The following SLAIN1 variants were observed in gnomAD, a reference collection of about 807,000 sequenced individuals.
SLAIN1 encodes SLAIN family member 1, also known as SLAIN motif-containing protein 1.
Under a neutral mutation model 55.4 loss-of-function variants are expected in SLAIN1, and 17 were observed. The ratio of observed to expected loss-of-function variants is 0.31; its 90% CI spans 0.21 to 0.46. The LOEUF (loss-of-function observed/expected upper bound fraction) is 0.46. SLAIN1 is among the 20% of genes least tolerant of loss of function. The pLI, the probability that SLAIN1 is intolerant of heterozygous loss-of-function variation, is 1.00. For missense variants in SLAIN1, 682 were observed against 785.1 expected, an observed-to-expected ratio of 0.87 and a Z score of 1.57; for synonymous variants, 348 against 337.4, an observed-to-expected ratio of 1.03 and a Z score of -0.35.
rs191216995 is a variant in SLAIN1, at chr13:77,744,786, G to C, written c.916+354G>C. Among the ~76,000 whole-genome samples the C allele has an allele frequency of 1.1e-3, 166 of 152,172 alleles. 1 individual carries two copies. Among genetic ancestry groups the C allele is most frequent in the African/African-American group, 3.8e-3 (157 of 41,528 alleles). ...TTCGTGTTTACACAAAAACTTGCAC[G>C]TGAATGTTCTGAGCACCTTTATAGC... On this transcript the variant is annotated intron_variant, in intron 3 of 6. Transcript: ENST00000418532.
At chr13:77,736,618 T>C (rs1873132470) in intron 2 of SLAIN1, among the ~76,000 whole-genome samples, 2 of 152,194 alleles carry the variant, frequency 1.3e-5, no homozygotes, top group South Asian at 4.2e-4. Context: ...TCACCTTATA[T>C]CTGCCTGACC....
intron 1 of SLAIN1, among the ~76,000 whole-genome samples, chr13:77,709,066 A>G (rs1326510602): frequency 2.0e-5 from 3 of 152,124 alleles, no homozygotes; most frequent in Admixed American, 1.3e-4. Flanking sequence ...AGGGAAGAAC[A>G]TAAATGACCT....
chr13:77,702,749 A>C (rs749598913), intron 1 of SLAIN1, among the ~76,000 whole-genome samples: 2 of 152,108 alleles, frequency 1.3e-5, no homozygotes, highest in Non-Finnish European at 2.9e-5. Flanking sequence ...TGTGTAACTC[A>C]TTAGTAAGTT....
At chr13:77,754,467 G>T (rs899833708) in intron 5 of SLAIN1, among the ~76,000 whole-genome samples, 2 of 152,138 alleles carry the variant, frequency 1.3e-5, no homozygotes, top group Non-Finnish European at 2.9e-5. Context: ...TTTGTCTAAG[G>T]CCATACAGTT....
At chr13:77,719,385 C>T in intron 1 of SLAIN1, 147 bp from the exon 2 acceptor site, 5 of 482,824 alleles carry the variant, frequency 1.0e-5, no homozygotes, top group Non-Finnish European at 1.7e-5. Flanking sequence ...GGGATATTTG[C>T]CTGTTAAAAA....
chr13:77,753,118 T>A (rs928366898), intron 4 of SLAIN1, 85 bp from the exon 5 acceptor site: 1 of 1,237,370 alleles, frequency 8.1e-7, no homozygotes, highest in Non-Finnish European at 1.1e-6. Context: ...TTGAGCACAA[T>A]ATGACTTTTG....
At position 77,719,589 on chromosome 13, in the gene SLAIN1, G is replaced by A. The variant is rs2091242045; in HGVS notation, c.684G>A (p.Leu228=). The change falls in exon 2 of 7, where the codon TTG becomes TTA. Residue 228 remains leucine (L), a synonymous_variant. Transcript: ENST00000418532. ...FTSSEKSLTP[L]QWCRHVLDNP... ...CATCAGAGAAATCCCTGACTCCTTT[G>A]CAGTGGTGTAGACATGTCCTAGATA... The A allele has an allele frequency of 1.9e-6, 3 of 1,613,204 alleles. No individual in the cohort carries two copies. The South Asian group carries it at 3.3e-5, about 18-fold the overall frequency.
At chr13:77,713,950 C>T (rs928605140) in intron 1 of SLAIN1, among the ~76,000 whole-genome samples, 1 of 151,818 alleles carries the variant, frequency 6.6e-6, no homozygotes, top group Non-Finnish European at 1.5e-5. Context: ...CATGTTCTCA[C>T]TCATAGGTGG....
At chr13:77,763,077 C>A in intron 6 of SLAIN1, 68 bp from the exon 7 acceptor site, 3 of 1,344,988 alleles carry the variant, frequency 2.2e-6, no homozygotes, top group African/African-American at 1.4e-5. Flanking sequence ...GAGAGTAGGT[C>A]AAAGTGAGTG....
chr13:77,719,574 A>T lies in SLAIN1; in HGVS notation c.669A>T (p.Lys223Asn). The change falls in exon 2 of 7, where the codon AAA (lysine) becomes AAT (asparagine). Residue 223 changes from lysine to asparagine, a missense_variant. This residue lies in a region of SLAIN1 where 401 missense variants were observed against 417.3 expected (regional missense o/e 0.96). Coordinates refer to ENST00000418532, the MANE Select transcript of SLAIN1 (RefSeq NM_001242868.2). ...CAAAGACGTTCACCTCATCAGAGAA[A>T]TCCCTGACTCCTTTGCAGTGGTGTA... ...GSSKTFTSSE[K>N]SLTPLQWCRH... 1 of 1,613,386 alleles carries T rather than the reference A, an allele frequency of 6.2e-7. No individual in the cohort carries two copies. The highest frequency in any genetic ancestry group is 8.5e-7 in the Non-Finnish European group (1 of 1,179,542).
rs1231902477 is a variant in SLAIN1 at position 77,753,362 on chromosome 13, A to T, written c.1414+4A>T. ...ATTTCAAGAATACAATCTTGTAGTG[A>T]GTATAATTATTTGATATAATTATAT... On this transcript the variant is annotated splice_donor_region_variant and intron_variant, in intron 5 of 6. Coordinates refer to ENST00000418532, the MANE Select transcript of SLAIN1 (RefSeq NM_001242868.2). 6.7e-7 allele frequency: 1 copy of T among 1,499,742 alleles called. No individual in the cohort carries two copies. The highest frequency in any genetic ancestry group is 1.4e-5 in the South Asian group (1 of 72,472). 92.9% of individuals were successfully genotyped at this position (1,499,742 alleles called of 1,614,324 possible). A position where few individuals can be genotyped will look rare whatever the true frequency, so the allele number is the denominator to read the frequency against.
chr13:77,741,078 G>C, intron 2 of SLAIN1: 1 of 853,544 alleles, frequency 1.2e-6, no homozygotes, highest in Non-Finnish European at 1.4e-6. Context: ...CTGGGTCACA[G>C]TGGTTATTGT....
At chr13:77,742,480 A>G (rs1197638162) in intron 2 of SLAIN1, among the ~76,000 whole-genome samples, 1 of 151,982 alleles carries the variant, frequency 6.6e-6, no homozygotes, top group Non-Finnish European at 1.5e-5. Context: ...CCATTTGGAA[A>G]CACAATAGTC....
intron 2 of SLAIN1, among the ~76,000 whole-genome samples, chr13:77,730,124 G>T (rs1223855621): frequency 6.6e-6 from 1 of 152,156 alleles, no homozygotes; most frequent in Non-Finnish European, 1.5e-5. Context: ...TGTGGTTGGG[G>T]TGTAATGGAG....
At chr13:77,740,778 A>G (rs1008295776) in intron 2 of SLAIN1, among the ~76,000 whole-genome samples, 15 of 151,958 alleles carry the variant, frequency 9.9e-5, no homozygotes, top group Admixed American at 6.6e-4. Context: ...TGTTTGTTTT[A>G]TTCTTTATAA....
chr13:77,707,834 T>G (rs2091105787), intron 1 of SLAIN1, among the ~76,000 whole-genome samples: 3 of 152,160 alleles, frequency 2.0e-5, no homozygotes, highest in South Asian at 4.1e-4. Context: ...TTCAGCTAAG[T>G]TTGGTGTGCC....
chr13:77,712,511 T>C (rs1434144412), intron 1 of SLAIN1, among the ~76,000 whole-genome samples: 1 of 152,116 alleles, frequency 6.6e-6, no homozygotes, highest in East Asian at 1.9e-4. Context: ...ACAAGAAATG[T>C]GAAGGACGTT....
At chr13:77,716,775 A>C (rs1276967219) in intron 1 of SLAIN1, among the ~76,000 whole-genome samples, 1 of 152,170 alleles carries the variant, frequency 6.6e-6, no homozygotes, top group African/African-American at 2.4e-5. Context: ...ATTTTTGTAG[A>C]TTCTTCAGAT....
At chr13:77,752,091 A>T (rs953560919) in intron 4 of SLAIN1, among the ~76,000 whole-genome samples, 2 of 152,074 alleles carry the variant, frequency 1.3e-5, no homozygotes, top group Non-Finnish European at 2.9e-5. Flanking sequence ...AAATTGAAGC[A>T]TTCTCTTGGT....
Sources: allele counts gnomAD v4.1 joint callset (sites outside exome capture counted in the v4.1 genomes callset), GRCh38; gene constraint gnomAD v4.1.1; regional missense constraint gnomAD v4.1.1; transcripts MANE v1.5; gene names NCBI Gene and HGNC (gene_info 2026-07-23, HGNC 2026-07-21).